Variants in PRELID2 observed in about 807,000 individuals in gnomAD.
PRELID2 encodes the protein PRELI domain-containing protein 2.
PRELID2 carries 25 observed loss-of-function variants against 28.4 expected under a neutral mutation model. The observed-to-expected ratio is 0.88, with a 90% CI of 0.64 to 1.23. The LOEUF (loss-of-function observed/expected upper bound fraction) is 1.23. Ranked by LOEUF, PRELID2 falls within the 50% of genes most tolerant of loss-of-function variation. The pLI is 0.00. For synonymous variants in PRELID2, 76 were observed against 71.6 expected (o/e 1.06, Z -0.31); for missense variants, 201 against 214.4 (o/e 0.94, Z 0.39).
chr5:145,336,660 C>A, the PRELID2 span, among the ~76,000 whole-genome samples: 3 of 152,132 alleles, frequency 2.0e-5, no homozygotes, highest in South Asian at 6.2e-4. Flanking sequence ...GACACATGCA[C>A]ACGTATGTTT....
chr5:145,251,961 A>T, the PRELID2 span, among the ~76,000 whole-genome samples: 1 of 152,068 alleles, frequency 6.6e-6, no homozygotes, highest in African/African-American at 2.4e-5. Context: ...TTTGACCCAA[A>T]CCCAGAAGCT....
the PRELID2 span, among the ~76,000 whole-genome samples, chr5:145,342,950 C>T: frequency 4.2e-5 from 6 of 144,542 alleles, no homozygotes; most frequent in African/African-American, 1.5e-4. Flanking sequence ...ATAAAGGGAT[C>T]AATCCAGAAA....
intron 1 of PRELID2, among the ~76,000 whole-genome samples, chr5:145,566,161 C>T (rs1752965837): frequency 6.6e-6 from 1 of 152,202 alleles, no homozygotes; most frequent in Admixed American, 6.5e-5. Context: ...GTGACAACTG[C>T]CAAATAGCCC....
At chr5:145,240,556 A>G in the PRELID2 span, among the ~76,000 whole-genome samples, 1 of 152,030 alleles carries the variant, frequency 6.6e-6, no homozygotes, top group Non-Finnish European at 1.5e-5. Context: ...TATTGAAACT[A>G]TACTTATTAT....
the PRELID2 span, among the ~76,000 whole-genome samples, chr5:145,428,006 TG>T: frequency 6.6e-6 from 1 of 152,172 alleles, no homozygotes; most frequent in African/African-American, 2.4e-5. Flanking sequence ...TCACCCAGGC[TG>T]GAGTGCAATG....
intron 1 of PRELID2, among the ~76,000 whole-genome samples, chr5:145,600,890 T>G (rs1354834920): frequency 1.3e-5 from 2 of 152,152 alleles, no homozygotes; most frequent in Non-Finnish European, 2.9e-5. Context: ...GATGGCTTAT[T>G]CCTTTAATCC....
rs886167398 is a variant in PRELID2 at position 145,678,261 on chromosome 5, T to A, written n.70+86670A>T. On this transcript the variant is annotated intron_variant and non_coding_transcript_variant, in intron 1 of 2. Transcript: ENST00000510259. ...AGATTTGGGCGGTTCTCACTGGCAT[T>A]GAGAACCTAAAACTACCTCCCTGTC... is the stretch of plus-strand genomic sequence containing the variant. Among the ~76,000 whole-genome samples, 8 of 152,328 alleles carry A rather than the reference T, an allele frequency of 5.3e-5. 1 individual carries two copies. In the South Asian group the frequency reaches 1.7e-3, roughly 32 times the overall value.
chr5:145,807,261 C>T (rs976926246), intron 4 of PRELID2, among the ~76,000 whole-genome samples: 1 of 152,162 alleles, frequency 6.6e-6, no homozygotes, highest in African/African-American at 2.4e-5. Context: ...GACTGTATCT[C>T]AAAAGCTCCT....
the PRELID2 span, among the ~76,000 whole-genome samples, chr5:145,384,083 G>A: frequency 6.6e-6 from 1 of 152,242 alleles, no homozygotes; most frequent in East Asian, 1.9e-4. Context: ...TAACCTTTGA[G>A]TAAGTGAAAG....
At chr5:145,302,934 C>T in the PRELID2 span, among the ~76,000 whole-genome samples, 8 of 152,098 alleles carry the variant, frequency 5.3e-5, no homozygotes, top group African/African-American at 1.7e-4. Flanking sequence ...AACAGTATTA[C>T]AATCATGGGA....
intron 1 of PRELID2, among the ~76,000 whole-genome samples, chr5:145,507,035 T>A (rs1382571862): frequency 6.6e-6 from 1 of 152,232 alleles, no homozygotes; most frequent in Non-Finnish European, 1.5e-5. Context: ...TCTGTCTTAT[T>A]CACTATTTAA....
chr5:145,273,484 G>A, the PRELID2 span, among the ~76,000 whole-genome samples: 1 of 152,188 alleles, frequency 6.6e-6, no homozygotes, highest in South Asian at 2.1e-4. Context: ...TGATGGGGAT[G>A]CAGGGCCAAG....
At chr5:145,392,113 C>A in the PRELID2 span, among the ~76,000 whole-genome samples, 1 of 152,180 alleles carries the variant, frequency 6.6e-6, no homozygotes, top group African/African-American at 2.4e-5. Context: ...ATCTTTATAG[C>A]AGCACCCCAC....
the PRELID2 span, among the ~76,000 whole-genome samples, chr5:145,339,531 C>A: frequency 2.0e-5 from 3 of 152,168 alleles, no homozygotes; most frequent in Non-Finnish European, 2.9e-5. Context: ...CCACAGGTAT[C>A]TGAGCAGCTG....
At chr5:145,542,783 TTCTG>T (rs376985158) in intron 1 of PRELID2, among the ~76,000 whole-genome samples, 3,777 of 114,584 alleles carry the variant, frequency 0.033, 118 homozygotes, top group African/African-American at 0.1. Flanking sequence ...CTTTCTTTCT[TTCTG>T]TCTTTTTCTC....
chr5:145,404,406 C>A, the PRELID2 span, among the ~76,000 whole-genome samples: 7 of 152,172 alleles, frequency 4.6e-5, no homozygotes, highest in African/African-American at 1.7e-4. Flanking sequence ...TCTTCCCCAG[C>A]TGTGTGACAT....
chr5:145,618,088 G>A (rs1753726648), intron 1 of PRELID2, among the ~76,000 whole-genome samples: 1 of 151,954 alleles, frequency 6.6e-6, no homozygotes, highest in African/African-American at 2.4e-5. Flanking sequence ...TTCACTTCTT[G>A]TATTGTTTTT....
chr5:145,565,539 A>C (rs74740936), intron 1 of PRELID2, among the ~76,000 whole-genome samples: 1 of 152,286 alleles, frequency 6.6e-6, no homozygotes, highest in African/African-American at 2.4e-5. Flanking sequence ...AGGCCACTGT[A>C]AGCCAAGAAG....
chr5:145,603,934 G>GAAAATTTAA (rs1753455711), intron 1 of PRELID2, among the ~76,000 whole-genome samples: 4 of 151,828 alleles, frequency 2.6e-5, no homozygotes, highest in Non-Finnish European at 5.9e-5. Flanking sequence ...AAATAGAATA[G>GAAAATTTAA]TCAATCTAGA....
Sources: gnomAD v4.1 joint callset for allele counts (sites outside exome capture counted in the v4.1 genomes callset) on GRCh38, gnomAD v4.1.1 for gene constraint, MANE v1.5 for transcripts, NCBI Gene and HGNC (gene_info 2026-07-23, HGNC 2026-07-21) for gene names.